AFG2A: variants seen among roughly 807,000 people sequenced by gnomAD.
The protein encoded by AFG2A is AAA ATPase AFG2A, also known as ATPase family gene 2 protein homolog A.
chr4:123,285,007 G>A, the AFG2A span, among the ~76,000 whole-genome samples: 27 of 152,046 alleles, frequency 1.8e-4, no homozygotes, highest in Non-Finnish European at 3.1e-4. Context: ...TTACTCTTGG[G>A]TTACAACCTG....
chr4:123,294,691 T>A, the AFG2A span, among the ~76,000 whole-genome samples: 1 of 152,178 alleles, frequency 6.6e-6, no homozygotes, highest in Non-Finnish European at 1.5e-5. Context: ...ACACATCTAA[T>A]GTTGAACACT....
the AFG2A span, among the ~76,000 whole-genome samples, chr4:123,047,104 A>T: frequency 3.3e-5 from 5 of 152,176 alleles, no homozygotes; most frequent in African/African-American, 7.2e-5. Flanking sequence ...TTTTTTTGGT[A>T]GTAAACCCAG....
At chr4:123,066,481 C>T in the AFG2A span, among the ~76,000 whole-genome samples, 1 of 151,998 alleles carries the variant, frequency 6.6e-6, no homozygotes, top group African/African-American at 2.4e-5. Context: ...TCTTTTGTGG[C>T]CTAGACAAGA....
the AFG2A span, among the ~76,000 whole-genome samples, chr4:123,006,136 G>GT: frequency 2.0e-5 from 3 of 149,236 alleles, no homozygotes; most frequent in Non-Finnish European, 3.0e-5. Context: ...AACGTATTTT[G>GT]TTTTTATTTT....
At chr4:123,255,058 G>T in the AFG2A span, among the ~76,000 whole-genome samples, 1 of 151,998 alleles carries the variant, frequency 6.6e-6, no homozygotes, top group Non-Finnish European at 1.5e-5. Flanking sequence ...CCGCCTCCTG[G>T]GCTCAAGTGA....
chr4:123,103,043 A>T, the AFG2A span, among the ~76,000 whole-genome samples: 958 of 152,160 alleles, frequency 6.3e-3, 10 homozygotes, highest in African/African-American at 0.022. Context: ...TCTATTTGAT[A>T]ACTTTGGTAT....
the AFG2A span, among the ~76,000 whole-genome samples, chr4:123,014,949 A>G: frequency 1.1e-3 from 163 of 152,244 alleles, no homozygotes; most frequent in African/African-American, 3.8e-3. Context: ...CTGTACTCCC[A>G]TCTGTGAAAT....
chr4:122,997,425 A>G, the AFG2A span, among the ~76,000 whole-genome samples: 1 of 152,142 alleles, frequency 6.6e-6, no homozygotes, highest in Non-Finnish European at 1.5e-5. Context: ...TATTTTATTT[A>G]GCATAGGTTT....
chr4:123,116,596 G>A, the AFG2A span, among the ~76,000 whole-genome samples: 1 of 152,068 alleles, frequency 6.6e-6, no homozygotes, highest in East Asian at 1.9e-4. Context: ...TGTAAAGTGT[G>A]GATTTTTATC....
At chr4:122,935,633 A>G in the AFG2A span, 1 of 1,437,548 alleles carries the variant, frequency 7.0e-7, no homozygotes, top group Non-Finnish European at 9.2e-7. Context: ...TAAATTTTAT[A>G]ACTCATGTTT....
chr4:123,113,587 A>T, the AFG2A span, among the ~76,000 whole-genome samples: 1 of 152,198 alleles, frequency 6.6e-6, no homozygotes, highest in South Asian at 2.1e-4. Flanking sequence ...ATCAAACAAG[A>T]TTGTCAGTAA....
the AFG2A span, chr4:123,315,758 A>G: frequency 2.0e-5 from 3 of 152,178 alleles, no homozygotes; most frequent in Non-Finnish European, 4.4e-5. Flanking sequence ...TGGGCTATAC[A>G]GTTTTGTGGT....
chr4:123,173,337 A>G, the AFG2A span, among the ~76,000 whole-genome samples: 2 of 128,292 alleles, frequency 1.6e-5, no homozygotes, highest in East Asian at 2.3e-4. Flanking sequence ...AATAAGTCCA[A>G]TGGTTTTTTT....
the AFG2A span, among the ~76,000 whole-genome samples, chr4:123,177,632 T>C: frequency 6.6e-6 from 1 of 152,224 alleles, no homozygotes; most frequent in Non-Finnish European, 1.5e-5. Flanking sequence ...AATAAGTATT[T>C]AGAGGCAGTA....
At chr4:123,178,774 CTTTTAAATCCATAATATGCTGACATATT>C in the AFG2A span, among the ~76,000 whole-genome samples, 1 of 152,146 alleles carries the variant, frequency 6.6e-6, no homozygotes, top group African/African-American at 2.4e-5. Flanking sequence ...CTTGCAACCT[CTTTTAAATCCATAATATGCTGACATATT>C]ATCTTTGCAA....
the AFG2A span, among the ~76,000 whole-genome samples, chr4:123,098,906 A>G: frequency 2.0e-5 from 3 of 152,016 alleles, no homozygotes; most frequent in Admixed American, 1.3e-4. Context: ...GGATCATAAG[A>G]TAGTTTTATT....
At chr4:123,213,691 G>C in the AFG2A span, among the ~76,000 whole-genome samples, 2 of 152,188 alleles carry the variant, frequency 1.3e-5, no homozygotes, top group African/African-American at 4.8e-5. Context: ...AGCTGGGGTA[G>C]CTTTCTCTTG....
chr4:123,061,415 G>A, the AFG2A span, among the ~76,000 whole-genome samples: 5 of 152,146 alleles, frequency 3.3e-5, no homozygotes, highest in South Asian at 2.1e-4. Context: ...GTTCCACATC[G>A]CTGGGGAGCC....
At chr4:123,309,249 ATAATACAAATT>A in the AFG2A span, among the ~76,000 whole-genome samples, 2 of 152,192 alleles carry the variant, frequency 1.3e-5, no homozygotes, top group South Asian at 4.1e-4. Context: ...CAATTTTTAA[ATAATACAAATT>A]TATTGCTCAC....
Sources: allele counts gnomAD v4.1 joint callset (sites outside exome capture counted in the v4.1 genomes callset), GRCh38; gene constraint gnomAD v4.1.1; transcripts MANE v1.5; gene names NCBI Gene and HGNC (gene_info 2026-07-23, HGNC 2026-07-21).